Variants in PMPCA observed in about 807,000 individuals in gnomAD.
The protein encoded by PMPCA is mitochondrial-processing peptidase subunit alpha.
A neutral mutation model predicts 59.3 loss-of-function variants in PMPCA; 47 were observed. The ratio of observed to expected loss-of-function variants is 0.79; its 90% CI spans 0.63 to 1.01. PMPCA has a LOEUF of 1.01. Among genes scored for constraint, PMPCA ranks in the 50% least tolerant of loss-of-function variants. The pLI is 0.00. For missense variants in PMPCA, 726 were observed against 704.5 expected, an observed-to-expected ratio of 1.03 and a Z score of -0.34; for synonymous variants, 338 against 290.3, an observed-to-expected ratio of 1.16 and a Z score of -1.67.
At chr9:136,413,116 A>G (rs951797927) in intron 4 of PMPCA, among the ~76,000 whole-genome samples, 1 of 152,234 alleles carries the variant, frequency 6.6e-6, no homozygotes, top group African/African-American at 2.4e-5. Context: ...TGTTGGCTGC[A>G]TGCCAGGGAT....
intron 12 of PMPCA, chr9:136,422,432 A>G: frequency 1.9e-6 from 2 of 1,078,590 alleles, no homozygotes; most frequent in East Asian, 7.9e-5. Context: ...ATTTCCTGAA[A>G]CTGCCAAGTT....
intron 1 of PMPCA, chr9:136,411,023 C>A: frequency 2.8e-6 from 1 of 363,172 alleles, no homozygotes; most frequent in Non-Finnish European, 4.9e-6. Context: ...TTTGCCCCCG[C>A]GCTTCACCTA....
At position 136,412,187 on chromosome 9, in the gene PMPCA, T is replaced by C; in HGVS notation, c.262T>C (p.Cys88Arg). 1.9e-6 allele frequency: 3 copies of C among 1,612,586 alleles called. No homozygotes were observed. Among genetic ancestry groups the C allele is most frequent in the Non-Finnish European group, 2.5e-6 (3 of 1,178,646 alleles). ...ATCTCAGAATAAGTTTGGACAGTTTTGTACAGTAGGAAGTAAGTACTGTTG... is the reference window on the plus strand; with the variant it reads ...ATCTCAGAATAAGTTTGGACAGTTTCGTACAGTAGGAAGTAAGTACTGTTG... ...VASQNKFGQF[C>R]TVGILINSGS... Residue 88 changes from cysteine to arginine, a missense_variant, in exon 2 of 13, where the codon TGT becomes CGT. Coordinates refer to ENST00000371717, the MANE Select transcript of PMPCA (RefSeq NM_015160.3).
chr9:136,414,265 A>G (rs1435180212), intron 4 of PMPCA, among the ~76,000 whole-genome samples: 1 of 152,156 alleles, frequency 6.6e-6, no homozygotes, highest in African/African-American at 2.4e-5. Flanking sequence ...AAGCATTCAC[A>G]CTGTAAGACA....
chr9:136,412,975 C>T (rs1310570250), intron 4 of PMPCA, 83 bp downstream of exon 4: 19 of 835,372 alleles, frequency 2.3e-5, no homozygotes, highest in Non-Finnish European at 3.1e-5. Flanking sequence ...CTCTGAGCCC[C>T]TCCCAGCGGG....
chr9:136,411,679 G>C (rs1259687169), intron 1 of PMPCA, among the ~76,000 whole-genome samples: 1 of 152,222 alleles, frequency 6.6e-6, no homozygotes, highest in African/African-American at 2.4e-5. Flanking sequence ...CCAAGACTTC[G>C]GTGGTGCTGT....
chr9:136,418,049 C>T lies in PMPCA; in HGVS notation c.930C>T (p.Gly310=), dbSNP rs1021085746. ...GAGACATGTCCAATGTCAGCCTGGGCCCGACCCCCATCCCCGAGCTCACGC... is the reference window on the plus strand; with the variant it reads ...GAGACATGTCCAATGTCAGCCTGGGTCCGACCCCCATCCCCGAGCTCACGC... ...LERDMSNVSL[G]PTPIPELTHI... The change falls in exon 8 of 13, where the codon GGC becomes GGT. Residue 310 remains glycine (G), a synonymous_variant. Coordinates refer to ENST00000371717, the MANE Select transcript of PMPCA (RefSeq NM_015160.3). 1 of 1,613,768 alleles carries T rather than the reference C, an allele frequency of 6.2e-7. No homozygotes were observed. The highest frequency in any genetic ancestry group is 1.1e-5 in the South Asian group (1 of 91,086).
At position 136,418,829 on chromosome 9, in the gene PMPCA, C is replaced by G; in HGVS notation, c.1111C>G (p.His371Asp). Reference protein sequence around the residue: ...SRLYLNVLNRHHWMYNATSYH... With the variant: ...SRLYLNVLNRDHWMYNATSYH... Reference sequence around the variant, plus strand: ...CCCATGACTCTCGCTTCCTCCCAGGCACCACTGGATGTATAACGCGACCTC... The same window carrying G: ...CCCATGACTCTCGCTTCCTCCCAGGGACCACTGGATGTATAACGCGACCTC... Residue 371 changes from histidine (H) to aspartate (D), a missense_variant and splice_region_variant, in exon 10 of 13, where the codon CAC becomes GAC. Transcript: ENST00000371717. 1 of 1,610,294 alleles carries G rather than the reference C, an allele frequency of 6.2e-7. No homozygotes were observed. Among genetic ancestry groups the G allele is most frequent in the Non-Finnish European group, 8.5e-7 (1 of 1,177,500 alleles).
intron 6 of PMPCA, 143 bp downstream of exon 6, chr9:136,416,534 G>A: frequency 1.4e-6 from 1 of 703,580 alleles, no homozygotes; most frequent in South Asian, 1.5e-5. Context: ...TTGAGATGAG[G>A]TTTCTCCACA....
intron 7 of PMPCA, 48 bp from the exon 8 acceptor site, chr9:136,417,969 C>A: frequency 7.5e-7 from 1 of 1,325,550 alleles, no homozygotes; most frequent in Non-Finnish European, 1.1e-6. Context: ...GTTTGCGAGC[C>A]CTCATTGTTT....
At chr9:136,422,241 C>T in intron 12 of PMPCA, 1 of 1,412,040 alleles carries the variant, frequency 7.1e-7, no homozygotes, top group Non-Finnish European at 9.4e-7. Flanking sequence ...GGGGCTGTCA[C>T]TACTGCCCAG....
chr9:136,415,297 A>G (rs143419293), intron 5 of PMPCA, among the ~76,000 whole-genome samples: 1 of 152,212 alleles, frequency 6.6e-6, no homozygotes, highest in Non-Finnish European at 1.5e-5. Flanking sequence ...GTTTGAGAGA[A>G]TGTGTATTTG....
intron 8 of PMPCA, 52 bp from the exon 9 acceptor site, chr9:136,418,503 G>A (rs1440624453): frequency 7.1e-6 from 8 of 1,132,038 alleles, no homozygotes; most frequent in Admixed American, 1.7e-5. Flanking sequence ...GTCTGACGGT[G>A]CTCCTGACGT....
At chr9:136,416,208 C>T in intron 5 of PMPCA, 83 bp from the exon 6 acceptor site, 2 of 999,472 alleles carry the variant, frequency 2.0e-6, no homozygotes, top group Non-Finnish European at 3.1e-6. Flanking sequence ...GACACTCAGG[C>T]CAGCACACAA....
chr9:136,422,501 C>T (rs1359627647), intron 12 of PMPCA: 5 of 1,027,904 alleles, frequency 4.9e-6, no homozygotes, highest in East Asian at 1.9e-4. Context: ...CTGCCTATTA[C>T]GTTGGGGTGG....
At chr9:136,421,200 G>A (rs980954190) in intron 11 of PMPCA, among the ~76,000 whole-genome samples, 5 of 152,260 alleles carry the variant, frequency 3.3e-5, no homozygotes, top group African/African-American at 9.6e-5. Flanking sequence ...TTGCCGTGTG[G>A]CCACTTTGGG....
chr9:136,417,507 C>T (rs1357936928), intron 7 of PMPCA, among the ~76,000 whole-genome samples: 1 of 149,798 alleles, frequency 6.7e-6, no homozygotes, highest in Admixed American at 6.7e-5. Flanking sequence ...GAGCCTCGCT[C>T]TGTCACCCAG....
intron 11 of PMPCA, chr9:136,419,366 C>G (rs1447270380): frequency 7.0e-6 from 4 of 568,998 alleles, no homozygotes; most frequent in Middle Eastern, 4.7e-4. Flanking sequence ...GTGCTCGGTC[C>G]ACTACTTCTT....
rs561869136 is a variant in PMPCA at position 136,423,495 on chromosome 9, G to A, written c.*231G>A. The stretch of plus-strand genomic sequence containing the variant: ...CCAGGAAGCAGGTGAAGTGCCCAGC[G>A]CTGGAGTGCAGCGTGCCACGAGGAG... On this transcript the variant is annotated 3_prime_UTR_variant, in exon 13 of 13. Coordinates refer to ENST00000371717, the MANE Select transcript of PMPCA (RefSeq NM_015160.3). 15 of 529,798 alleles carry A rather than the reference G, an allele frequency of 2.8e-5. No homozygotes were observed. The highest frequency in any genetic ancestry group is 5.1e-4 in the Middle Eastern group (1 of 1,952). The allele number at this position is 529,798 out of a possible 1,614,324, so 32.8% of individuals were successfully genotyped here.
Sources: gnomAD v4.1 joint callset for allele counts (sites outside exome capture counted in the v4.1 genomes callset) on GRCh38, gnomAD v4.1.1 for gene constraint, MANE v1.5 for transcripts, NCBI Gene and HGNC (gene_info 2026-07-23, HGNC 2026-07-21) for gene names.